The following ANO4 variants were observed in gnomAD, a reference collection of about 807,000 sequenced individuals.
ANO4 encodes the protein anoctamin 4.
ANO4 carries 69 observed loss-of-function variants against 141.9 expected under a neutral mutation model. The observed-to-expected ratio is 0.49, with a 90% CI of 0.40 to 0.59. The LOEUF (loss-of-function observed/expected upper bound fraction) is 0.59. Ranked by LOEUF, ANO4 falls within the 20% of genes least tolerant of loss-of-function variation. The probability of loss-of-function intolerance (pLI) is 0.00; values close to 1 mark genes in which losing one functional copy is unlikely to be tolerated. For missense variants in ANO4, 894 were observed against 1,162.2 expected, an observed-to-expected ratio of 0.77 and a Z score of 3.36; for synonymous variants, 350 against 394.3, an observed-to-expected ratio of 0.89 and a Z score of 1.33.
rs143387970 is a variant in ANO4, at chr12:100,762,775, G to A, written c.358+22670G>A. Among the ~76,000 whole-genome samples, 451 of 152,256 alleles carry A rather than the reference G, an allele frequency of 3.0e-3. 3 individuals are homozygous for A. Among genetic ancestry groups the A allele is most frequent in the African/African-American group, 0.011 (444 of 41,554 alleles). On this transcript the variant is annotated intron_variant, in intron 3 of 29. Coordinates refer to the ANO4 transcript ENST00000644049. ...TTGACATGTCCTGAACACATACTCT[G>A]TGCCATGCCTCGTCTGTGGACATGC...
intron 1 of ANO4, among the ~76,000 whole-genome samples, chr12:100,845,623 A>G (rs1399444): frequency 0.83 from 126,022 of 152,140 alleles, 52,237 homozygotes; most frequent in Admixed American, 0.87. Context: ...TCTATGTGAT[A>G]CATGGCTACA....
chr12:101,006,024 T>C (rs1423992047), intron 8 of ANO4, among the ~76,000 whole-genome samples: 1 of 152,200 alleles, frequency 6.6e-6, no homozygotes, highest in Non-Finnish European at 1.5e-5. Context: ...TTTGGCCTAC[T>C]GTGCCTTACC....
At chr12:100,995,479 A>T (rs543016567) in intron 8 of ANO4, among the ~76,000 whole-genome samples, 2 of 152,190 alleles carry the variant, frequency 1.3e-5, no homozygotes, top group Admixed American at 1.3e-4. Context: ...AACTTTTGAC[A>T]GTGTCATTCT....
At chr12:100,750,138 C>A (rs1209744109) in intron 3 of ANO4, among the ~76,000 whole-genome samples, 70 of 147,658 alleles carry the variant, frequency 4.7e-4, no homozygotes, top group Admixed American at 4.7e-3. Flanking sequence ...TTTCTTTTTT[C>A]TTTTTCTTTT....
intron 25 of ANO4, 111 bp from the exon 26 acceptor site, chr12:101,120,409 G>C: frequency 2.2e-6 from 2 of 902,202 alleles, no homozygotes; most frequent in Non-Finnish European, 3.4e-6. Flanking sequence ...CTAGTATAGA[G>C]AAACTTCAAA....
At chr12:100,785,473 T>C (rs1229281748) in intron 3 of ANO4, among the ~76,000 whole-genome samples, 1 of 152,220 alleles carries the variant, frequency 6.6e-6, no homozygotes, top group African/African-American at 2.4e-5. Context: ...TTTTCTAGAC[T>C]GTCATAGAGT....
At chr12:101,088,272 C>T (rs1213898969) in intron 17 of ANO4, among the ~76,000 whole-genome samples, 4 of 152,082 alleles carry the variant, frequency 2.6e-5, no homozygotes, top group Admixed American at 6.6e-5. Flanking sequence ...GGGTCTGCAT[C>T]GCTTAGTCCC....
intron 8 of ANO4, among the ~76,000 whole-genome samples, chr12:100,993,768 A>C (rs2045247496): frequency 6.6e-6 from 1 of 152,188 alleles, no homozygotes; most frequent in Non-Finnish European, 1.5e-5. Flanking sequence ...CACATTTCGT[A>C]GTCTAGAGCT....
intron 3 of ANO4, among the ~76,000 whole-genome samples, chr12:100,759,430 A>T (rs1202311960): frequency 6.6e-6 from 1 of 152,192 alleles, no homozygotes; most frequent in African/African-American, 2.4e-5. Context: ...ATCTTGGCTC[A>T]GTCATTTCTT....
At chr12:100,742,983 GTCCATCCATCTA>G (rs902068055) in intron 3 of ANO4, among the ~76,000 whole-genome samples, 112 of 152,140 alleles carry the variant, frequency 7.4e-4, no homozygotes, top group African/African-American at 2.6e-3. Context: ...GTCCAGCTTG[GTCCATCCATCTA>G]TCCATCCATC....
intron 3 of ANO4, among the ~76,000 whole-genome samples, chr12:100,938,822 G>A (rs181733529): frequency 6.6e-6 from 1 of 152,232 alleles, no homozygotes; most frequent in East Asian, 1.9e-4. Flanking sequence ...TCTCTGTTCT[G>A]TCTTAGAGAA....
intron 2 of ANO4, among the ~76,000 whole-genome samples, chr12:100,737,647 G>T (rs535039391): frequency 6.6e-6 from 1 of 152,318 alleles, no homozygotes; most frequent in Non-Finnish European, 1.5e-5. Context: ...TAGGCAATGG[G>T]CAATATCCAC....
At chr12:100,926,873 G>A (rs937800857) in intron 3 of ANO4, among the ~76,000 whole-genome samples, 2 of 152,058 alleles carry the variant, frequency 1.3e-5, no homozygotes, top group Non-Finnish European at 2.9e-5. Flanking sequence ...AATGGAAAGG[G>A]AGGGAATGGC....
intron 1 of ANO4, among the ~76,000 whole-genome samples, chr12:100,847,723 G>A (rs10778082): frequency 0.79 from 120,285 of 152,010 alleles, 47,738 homozygotes; most frequent in Admixed American, 0.86. Flanking sequence ...CGCCTGCCTC[G>A]GCCTCCCAAA....
chr12:100,803,344 G>A (rs1210501181), intron 1 of ANO4, among the ~76,000 whole-genome samples: 1 of 152,170 alleles, frequency 6.6e-6, no homozygotes, highest in African/African-American at 2.4e-5. Flanking sequence ...AGGAAGGGAG[G>A]TAGGGAGGAT....
chr12:100,761,953 G>A (rs1263182985), intron 3 of ANO4, among the ~76,000 whole-genome samples: 2 of 151,984 alleles, frequency 1.3e-5, no homozygotes, highest in African/African-American at 4.8e-5. Context: ...TTCCTTTCCA[G>A]AGCTCATAGT....
intron 14 of ANO4, among the ~76,000 whole-genome samples, chr12:101,055,743 CAA>C (rs1434538786): frequency 6.6e-6 from 1 of 151,982 alleles, no homozygotes; most frequent in African/African-American, 2.4e-5. Flanking sequence ...TTGCCAAACT[CAA>C]AGTTTCTAAG....
At chr12:100,933,451 A>G (rs1447639200) in intron 3 of ANO4, among the ~76,000 whole-genome samples, 2 of 152,132 alleles carry the variant, frequency 1.3e-5, no homozygotes, top group African/African-American at 2.4e-5. Flanking sequence ...ACGTGAACTC[A>G]TCCTTTTTTA....
chr12:101,027,611 T>A (rs1250331028), intron 9 of ANO4, among the ~76,000 whole-genome samples: 1 of 152,132 alleles, frequency 6.6e-6, no homozygotes, highest in African/African-American at 2.4e-5. Context: ...CAAGAGCGCC[T>A]CTTCAGGCAC....
Sources: allele counts gnomAD v4.1 joint callset (sites outside exome capture counted in the v4.1 genomes callset), GRCh38; gene constraint gnomAD v4.1.1; transcripts MANE v1.5; gene names NCBI Gene and HGNC (gene_info 2026-07-23, HGNC 2026-07-21).